The following TSR1 variants were observed in gnomAD, a reference collection of about 807,000 sequenced individuals.
TSR1 encodes TSR1 ribosome maturation factor, also known as pre-rRNA-processing protein TSR1 homolog.
A neutral mutation model predicts 90.9 loss-of-function variants in TSR1; 81 were observed. The observed-to-expected ratio is 0.89, with a 90% CI of 0.74 to 1.07. The LOEUF (loss-of-function observed/expected upper bound fraction) is 1.07. Ranked by LOEUF, TSR1 falls within the 50% of genes least tolerant of loss-of-function variation. TSR1 has a pLI of 0.00. For missense variants in TSR1, 989 were observed against 987.3 expected, an observed-to-expected ratio of 1.00 and a Z score of -0.02; for synonymous variants, 362 against 348.8, an observed-to-expected ratio of 1.04 and a Z score of -0.42.
Position 2,328,788 on chromosome 17 carries a change from C to T in TSR1, c.1903+555G>A, listed in dbSNP as rs555195051. Among the ~76,000 whole-genome samples, 12 of 149,884 alleles carry T rather than the reference C, an allele frequency of 8.0e-5. No individual in the cohort carries two copies. The South Asian group carries it at 1.3e-3, about 16-fold the overall frequency. On this transcript the variant is annotated intron_variant, in intron 11 of 14. Coordinates refer to ENST00000301364, the MANE Select transcript of TSR1 (RefSeq NM_018128.5). ...AAAATTAGCTGGGCATGGTGGCGGG[C>T]GCCTGTAGTCCCAGCTACTTGGGAG...
At position 2,331,950 on chromosome 17, in the gene TSR1, A is replaced by G. The variant is rs80111772; in HGVS notation, c.1496+219T>C. Among the ~76,000 whole-genome samples the G allele has an allele frequency of 1.7e-3, 263 of 152,264 alleles. 2 individuals carry two copies. The East Asian group carries it at 0.043, about 25-fold the overall frequency. ...TAATTAACCTTAGTATTTCCCCTTC[A>G]TTCAAGTCCTGTAACGTGAGTCTGC... is the stretch of plus-strand genomic sequence containing the variant. On this transcript the variant is annotated intron_variant, in intron 8 of 14. Transcript: ENST00000301364.
Position 2,335,614 on chromosome 17 carries a change from C to T in TSR1, c.318G>A (p.Arg106=), listed in dbSNP as rs139241652. 4.3e-6 allele frequency: 7 copies of T among 1,614,050 alleles called. No individual in the cohort carries two copies. The African/African-American group carries it at 5.3e-5, about 12-fold the overall frequency. The change falls in exon 3 of 15, where the codon AGG becomes AGA. Residue 106 remains arginine, a synonymous_variant. Coordinates refer to ENST00000301364, the MANE Select transcript of TSR1 (RefSeq NM_018128.5). ...LPEAMQLLQD[R]DTGTVHLNEL... The stretch of plus-strand genomic sequence containing the variant: ...CATTCAAGTGTACTGTTCCAGTGTC[C>T]CTATCTTGAAGCAGCTGCATGGCCT...
intron 11 of TSR1, among the ~76,000 whole-genome samples, chr17:2,328,687 C>T (rs1399543015): frequency 2.6e-5 from 4 of 151,352 alleles, no homozygotes; most frequent in Non-Finnish European, 5.9e-5. Flanking sequence ...GAGGCTGAGG[C>T]GGGCGGCTCA....
rs911168412 is a variant in TSR1, at chr17:2,336,440, G to C, written c.-13C>G. The C allele has an allele frequency of 1.2e-6, 2 of 1,607,766 alleles. No individual in the cohort carries two copies. The highest frequency in any genetic ancestry group is 1.1e-5 in the South Asian group (1 of 90,872). On this transcript the variant is annotated 5_prime_UTR_variant, in exon 1 of 15. Transcript: ENST00000301364. ...GGTGGGCCGCCATGCCGCAGCGCGC[G>C]TGTACGGAGTCAGCACTGCTTCCGG...
chr17:2,335,854 G>C, intron 2 of TSR1, 124 bp from the exon 3 acceptor site: 4 of 1,292,928 alleles, frequency 3.1e-6, no homozygotes, highest in Non-Finnish European at 4.3e-6. Context: ...AAGACCACAG[G>C]TATGCCAGCG....
At chr17:2,332,923 G>T in intron 7 of TSR1, 38 bp downstream of exon 7, 3 of 1,599,382 alleles carry the variant, frequency 1.9e-6, no homozygotes, top group Non-Finnish European at 2.6e-6. Flanking sequence ...TACATTTGGA[G>T]CTAGACACAG....
At chr17:2,330,348 T>A (rs975278429) in intron 10 of TSR1, 167 bp downstream of exon 10, 4 of 757,500 alleles carry the variant, frequency 5.3e-6, no homozygotes, top group African/African-American at 5.1e-5. Context: ...ACGATATGAA[T>A]AAAACCATCA....
Position 2,334,780 on chromosome 17 carries a change from T to G in TSR1, c.673A>C (p.Thr225Pro). The G allele has an allele frequency of 6.2e-7, 1 of 1,614,218 alleles. No individual in the cohort carries two copies. Among genetic ancestry groups the G allele is most frequent in the Non-Finnish European group, 8.5e-7 (1 of 1,180,052 alleles). The change falls in exon 5 of 15, where the codon ACT becomes CCT. Residue 225 changes from threonine to proline, a missense_variant. Physicochemically the swap from Thr to Pro is conservative, Grantham distance 38 (BLOSUM62 -1). Transcript: ENST00000301364. Reference sequence around the variant, plus strand: ...AGCAGCATCCCTGCCTCCTGTTGAGTGTCTAACAAGAGGAGTTTGTCATGC... The same window carrying G: ...AGCAGCATCCCTGCCTCCTGTTGAGGGTCTAACAAGAGGAGTTTGTCATGC... ...FPHDKLLLLDTQQEAGMLLRQ... is the reference protein window; with the variant it reads ...FPHDKLLLLDPQQEAGMLLRQ...
rs779328183 is a variant in TSR1, at chr17:2,324,784, G to A, written c.2066C>T (p.Pro689Leu). The A allele has an allele frequency of 1.2e-6, 2 of 1,614,004 alleles. No homozygotes were observed. Among genetic ancestry groups the A allele is most frequent in the South Asian group, 1.1e-5 (1 of 91,060 alleles). Reference sequence around the variant, plus strand: ...AACTCTCTTGATGACCATTCTGTCTGGATCTACTGACATAAGATGGCCTGT... The same window carrying A: ...AACTCTCTTGATGACCATTCTGTCTAGATCTACTGACATAAGATGGCCTGT... ...IATGHLMSVD[P>L]DRMVIKRVVL... Residue 689 changes from proline to leucine, a missense_variant, in exon 13 of 15, where the codon CCA becomes CTA. By Grantham distance (98) the Pro-to-Leu change is moderately conservative. Transcript: ENST00000301364.
Position 2,332,407 on chromosome 17 carries a change from C to G in TSR1, c.1306-48G>C, listed in dbSNP as rs192258282. 2.0e-6 allele frequency: 3 copies of G among 1,505,228 alleles called. No homozygotes were observed. In the East Asian group the frequency reaches 6.9e-5, roughly 34 times the overall value. The allele number at this position is 1,505,228 out of a possible 1,614,324, so 93.2% of individuals were successfully genotyped here. ...TTTCAGAAGAAATCCACACCTGTCT[C>G]TACCCCAAAGGCCAATAAGCTAAGA... On this transcript the variant is annotated intron_variant, in intron 7 of 14. Coordinates refer to ENST00000301364, the MANE Select transcript of TSR1 (RefSeq NM_018128.5).
chr17:2,330,545 A>G lies in TSR1; in HGVS notation c.1740T>C (p.Ile580=), dbSNP rs200683807. The change falls in exon 10 of 15, where the codon ATT becomes ATC. Residue 580 remains isoleucine, a synonymous_variant. Coordinates refer to ENST00000301364, the MANE Select transcript of TSR1 (RefSeq NM_018128.5). ...VECFRQGTPL[I]AFSLLPHEQK... ...GTTCATGAGGTAGTAAAGAAAATGCAATCAAGGGTGTTCCTTGCCTGAAGC... is the reference window on the plus strand; with the variant it reads ...GTTCATGAGGTAGTAAAGAAAATGCGATCAAGGGTGTTCCTTGCCTGAAGC... 1.9e-6 allele frequency: 3 copies of G among 1,614,056 alleles called. No individual in the cohort carries two copies. Among genetic ancestry groups the G allele is most frequent in the South Asian group, 1.1e-5 (1 of 91,074 alleles).
At chr17:2,327,653 C>G (rs1271003348) in intron 11 of TSR1, among the ~76,000 whole-genome samples, 1 of 152,110 alleles carries the variant, frequency 6.6e-6, no homozygotes, top group Non-Finnish European at 1.5e-5. Context: ...ATCAGTACAT[C>G]ACATACACTG....
Position 2,336,141 on chromosome 17 carries a change from C to G in TSR1, c.98-1G>C, listed in dbSNP as rs774259756. The G allele has an allele frequency of 5.0e-6, 8 of 1,614,046 alleles. No individual in the cohort carries two copies. Among genetic ancestry groups the G allele is most frequent in the Non-Finnish European group, 6.8e-6 (8 of 1,180,000 alleles). ...CTTAGGGTTTTCAGTGCCAGACGGC[C>G]TGAATGGCAGATTAGAAGGGGCTGG... On this transcript the variant is annotated splice_acceptor_variant, in intron 1 of 14. Coordinates refer to ENST00000301364, the MANE Select transcript of TSR1 (RefSeq NM_018128.5). LOFTEE classifies it high-confidence loss of function.
chr17:2,324,020 T>C lies in TSR1; in HGVS notation c.*176A>G. 1 of 1,175,016 alleles carries C rather than the reference T, an allele frequency of 8.5e-7. No homozygotes were observed. Among genetic ancestry groups the C allele is most frequent in the South Asian group, 1.6e-5 (1 of 64,146 alleles). The allele number at this position is 1,175,016 out of a possible 1,614,324, so 72.8% of individuals were successfully genotyped here. On this transcript the variant is annotated 3_prime_UTR_variant, in exon 15 of 15. Transcript: ENST00000301364. ...TAATAGTTTTTTTTGGACTAAGTAGTGGAAAAACTTTTATACTTAACTGAG... is the reference window on the plus strand; with the variant it reads ...TAATAGTTTTTTTTGGACTAAGTAGCGGAAAAACTTTTATACTTAACTGAG...
intron 2 of TSR1, 79 bp from the exon 3 acceptor site, chr17:2,335,809 G>A: frequency 6.7e-7 from 1 of 1,482,044 alleles, no homozygotes; most frequent in South Asian, 1.2e-5. Flanking sequence ...TCCCACAGAT[G>A]CTCCCCCTAC....
At position 2,334,081 on chromosome 17, in the gene TSR1, T is replaced by G. The variant is rs371341396; in HGVS notation, c.982-365A>C. On this transcript the variant is annotated intron_variant, in intron 5 of 14. Coordinates refer to ENST00000301364, the MANE Select transcript of TSR1 (RefSeq NM_018128.5). ...TCCCTCTTCAACTCATAAATCACATTTATCCTTCTCAACACCTAGCTCAAG... is the reference window on the plus strand; with the variant it reads ...TCCCTCTTCAACTCATAAATCACATGTATCCTTCTCAACACCTAGCTCAAG... Among the ~76,000 whole-genome samples, 32 of 152,290 alleles carry G rather than the reference T, an allele frequency of 2.1e-4. No individual in the cohort carries two copies. In the East Asian group the frequency reaches 4.2e-3, roughly 20 times the overall value.
At chr17:2,325,635 T>A (rs141571482) in intron 11 of TSR1, among the ~76,000 whole-genome samples, 122 of 152,178 alleles carry the variant, frequency 8.0e-4, no homozygotes, top group African/African-American at 2.8e-3. Context: ...TTTTTGAGTT[T>A]GAGTATCGTT....
At position 2,331,077 on chromosome 17, in the gene TSR1, C is replaced by T. The variant is rs1266255851; in HGVS notation, c.1529G>A (p.Arg510Gln). 8.1e-6 allele frequency: 13 copies of T among 1,597,950 alleles called. No homozygotes were observed. Among genetic ancestry groups the T allele is most frequent in the East Asian group, 4.5e-5 (2 of 44,810 alleles). The change falls in exon 9 of 15, where the codon CGG (arginine) becomes CAG (glutamine). Residue 510 changes from arginine to glutamine, a missense_variant. Arg to Gln is a conservative substitution (Grantham distance 43). Coordinates refer to ENST00000301364, the MANE Select transcript of TSR1 (RefSeq NM_018128.5). ...FQKYRGLKSFRTSPWDPKENL... is the reference protein window; with the variant it reads ...FQKYRGLKSFQTSPWDPKENL... Reference sequence around the variant, plus strand: ...TTCCTTAGGATCCCATGGAGATGTCCGGAAGCTCTTAAGGCCTCTGTATTT... The same window carrying T: ...TTCCTTAGGATCCCATGGAGATGTCTGGAAGCTCTTAAGGCCTCTGTATTT...
chr17:2,324,802 T>G lies in TSR1; in HGVS notation c.2048A>C (p.His683Pro), dbSNP rs780389165. The G allele has an allele frequency of 6.2e-7, 1 of 1,613,996 alleles. No homozygotes were observed. The highest frequency in any genetic ancestry group is 8.5e-7 in the Non-Finnish European group (1 of 1,179,992). ...TCTGTCTGGATCTACTGACATAAGA[T>G]GGCCTGTAGCAATGAGGCTGTGCAT... Reference protein sequence around the residue: ...NGMHSLIATGHLMSVDPDRMV... With the variant: ...NGMHSLIATGPLMSVDPDRMV... Residue 683 changes from histidine (H) to proline (P), a missense_variant, in exon 13 of 15, where the codon CAT becomes CCT. Coordinates refer to ENST00000301364, the MANE Select transcript of TSR1 (RefSeq NM_018128.5).
Sources: allele counts gnomAD v4.1 joint callset (sites outside exome capture counted in the v4.1 genomes callset), GRCh38; gene constraint gnomAD v4.1.1; transcripts MANE v1.5; gene names NCBI Gene and HGNC (gene_info 2026-07-23, HGNC 2026-07-21).